Variants in GPSM2 observed in about 807,000 individuals in gnomAD.
GPSM2 encodes the protein G protein signaling modulator 2, also known as G protein-signaling modulator 2.
In GPSM2, 58 loss-of-function variants were observed where a neutral mutation model predicts 78.4. The ratio of observed to expected loss-of-function variants is 0.74; its 90% CI spans 0.60 to 0.92. The LOEUF (loss-of-function observed/expected upper bound fraction) is 0.92, where lower values mean the gene tolerates loss of function less well. GPSM2 is among the 40% of genes least tolerant of loss of function. The pLI is 0.00. For synonymous variants in GPSM2, 224 were observed against 280.2 expected (o/e 0.80, Z 2.00); for missense variants, 700 against 815.5 (o/e 0.86, Z 1.73).
chr1:108,890,045 C>T (rs192391064), intron 2 of GPSM2, among the ~76,000 whole-genome samples: 2 of 152,316 alleles, frequency 1.3e-5, no homozygotes, highest in Non-Finnish European at 2.9e-5. Flanking sequence ...TAAGATACAG[C>T]TCGGAGATTA....
At chr1:108,910,260 C>T (rs1260453434) in intron 10 of GPSM2, among the ~76,000 whole-genome samples, 1 of 152,110 alleles carries the variant, frequency 6.6e-6, no homozygotes, top group Non-Finnish European at 1.5e-5. Context: ...ATGCTAATGG[C>T]TAAAATTATA....
intron 1 of GPSM2, among the ~76,000 whole-genome samples, chr1:108,883,129 A>C (rs1481230385): frequency 6.6e-6 from 1 of 152,232 alleles, no homozygotes; most frequent in Non-Finnish European, 1.5e-5. Flanking sequence ...GGGAAGAGAT[A>C]AGAGGAGTAC....
chr1:108,907,444 G>A (rs1424369450), intron 10 of GPSM2, among the ~76,000 whole-genome samples: 3 of 152,032 alleles, frequency 2.0e-5, no homozygotes, highest in East Asian at 1.9e-4. Context: ...GGTCATAAGC[G>A]TTTCACAACA....
At chr1:108,905,913 G>A (rs75359293) in intron 10 of GPSM2, among the ~76,000 whole-genome samples, 2 of 152,138 alleles carry the variant, frequency 1.3e-5, no homozygotes, top group Non-Finnish European at 2.9e-5. Context: ...GTAGAGAGCC[G>A]CATGTGGCTA....
At chr1:108,920,758 GC>G (rs1285337695) in intron 12 of GPSM2, among the ~76,000 whole-genome samples, 1 of 152,110 alleles carries the variant, frequency 6.6e-6, no homozygotes, top group East Asian at 1.9e-4. Context: ...TAGGTCTAGA[GC>G]AGGACTGGAA....
chr1:108,921,481 T>C (rs1650707881), intron 12 of GPSM2, among the ~76,000 whole-genome samples: 1 of 152,156 alleles, frequency 6.6e-6, no homozygotes, highest in African/African-American at 2.4e-5. Flanking sequence ...TAGGCTTCAA[T>C]AGGTACCTGA....
chr1:108,885,077 T>C (rs1647424331), intron 1 of GPSM2, among the ~76,000 whole-genome samples, 198 bp from the exon 2 acceptor site: 4 of 152,204 alleles, frequency 2.6e-5, no homozygotes, highest in South Asian at 2.1e-4. Context: ...TTTTAAAAAT[T>C]ACAGTTCTCA....
intron 1 of GPSM2, among the ~76,000 whole-genome samples, chr1:108,884,799 C>A (rs929103205): frequency 2.0e-5 from 3 of 152,096 alleles, no homozygotes; most frequent in African/African-American, 7.2e-5. Flanking sequence ...ATTTTAAAGA[C>A]CTTAAAGAGT....
chr1:108,895,418 TGTATTAGAACGG>T (rs1418206272), intron 2 of GPSM2, among the ~76,000 whole-genome samples: 1 of 134,216 alleles, frequency 7.5e-6, no homozygotes, highest in East Asian at 1.9e-4. Context: ...TTGTTTAATG[TGTATTAGAACGG>T]GGTTCCCAAC....
At chr1:108,924,245 A>G (rs1256310443) in intron 14 of GPSM2, 31 bp downstream of exon 14, 1 of 1,319,488 alleles carries the variant, frequency 7.6e-7, no homozygotes, top group East Asian at 2.3e-5. Context: ...CGTTCTGCAT[A>G]CAGCTCAGAT....
intron 14 of GPSM2, chr1:108,926,435 G>C (rs1212792997): frequency 6.6e-6 from 1 of 152,152 alleles, no homozygotes; most frequent in South Asian, 2.1e-4. Context: ...AAGCCAGACA[G>C]ACACTACAAG....
chr1:108,900,342 C>G (rs1044275310), intron 7 of GPSM2, among the ~76,000 whole-genome samples: 1 of 151,302 alleles, frequency 6.6e-6, no homozygotes, highest in Admixed American at 6.6e-5. Flanking sequence ...CCGGTTCAAG[C>G]GATTCTCCTG....
At position 108,897,100 on chromosome 1, in the gene GPSM2, C is replaced by A; in HGVS notation, c.278+15C>A. The A allele has an allele frequency of 6.6e-7, 1 of 1,514,042 alleles. No homozygotes were observed. The allele number at this position is 1,514,042 out of a possible 1,614,324, so 93.8% of individuals were successfully genotyped here. ...ACCCTTGCAAGGTAATTAATTTAAGCTTTTAAATATTCTTCCTTCTGAAAT... is the reference window on the plus strand; with the variant it reads ...ACCCTTGCAAGGTAATTAATTTAAGATTTTAAATATTCTTCCTTCTGAAAT... On this transcript the variant is annotated intron_variant, in intron 3 of 14. Coordinates refer to ENST00000264126, the MANE Select transcript of GPSM2 (RefSeq NM_013296.5).
intron 14 of GPSM2, among the ~76,000 whole-genome samples, chr1:108,924,646 G>C (rs534720025): frequency 1.3e-5 from 2 of 152,292 alleles, no homozygotes; most frequent in South Asian, 4.1e-4. Flanking sequence ...GAAGCAGTCA[G>C]CCATGTGAGT....
chr1:108,892,964 A>G (rs1465091921), intron 2 of GPSM2, among the ~76,000 whole-genome samples: 1 of 152,226 alleles, frequency 6.6e-6, no homozygotes, highest in African/African-American at 2.4e-5. Context: ...TCTCTCCTGT[A>G]GGGCATTCTC....
rs1431478541 is a variant in GPSM2 at position 108,931,120 on chromosome 1, C to T, written c.*1180C>T. On this transcript the variant is annotated 3_prime_UTR_variant, in exon 15 of 15. Transcript: ENST00000264126. ...ATTATTTAAAATGGTCTCTTCTGTTCCATAATACTGCTGTAAAACAAACTT... is the reference window on the plus strand; with the variant it reads ...ATTATTTAAAATGGTCTCTTCTGTTTCATAATACTGCTGTAAAACAAACTT... 1 of 473,172 alleles carries T rather than the reference C, an allele frequency of 2.1e-6. No individual in the cohort carries two copies. The highest frequency in any genetic ancestry group is 3.7e-6 in the Non-Finnish European group (1 of 270,534). 29.3% of individuals were successfully genotyped at this position (473,172 alleles called of 1,614,324 possible). A position where few individuals can be genotyped will look rare whatever the true frequency, so the allele number is the denominator to read the frequency against.
Position 108,885,565 on chromosome 1 carries a change from C to A in GPSM2, c.43C>A (p.His15Asn), listed in dbSNP as rs1228990731. 6.3e-7 allele frequency: 1 copy of A among 1,579,898 alleles called. No homozygotes were observed. The highest frequency in any genetic ancestry group is 8.7e-7 in the Non-Finnish European group (1 of 1,148,996). The change falls in exon 2 of 15, where the codon CAT becomes AAT. Residue 15 changes from histidine to asparagine, a missense_variant. By Grantham distance (68) the His-to-Asn change is moderately conservative. Transcript: ENST00000264126. Reference sequence around the variant, plus strand: ...AAGCATGAGAGAAGACCATTCTTTTCATGTTCGTTACAGGTAAGACTATTG... The same window carrying A: ...AAGCATGAGAGAAGACCATTCTTTTAATGTTCGTTACAGGTAAGACTATTG... ...LISMREDHSF[H>N]VRYRMEASCL...
chr1:108,890,156 A>G (rs889677922), intron 2 of GPSM2, among the ~76,000 whole-genome samples: 3 of 152,166 alleles, frequency 2.0e-5, no homozygotes, highest in Non-Finnish European at 2.9e-5. Context: ...CACCAACTGT[A>G]TTAAAATTAA....
At chr1:108,905,101 T>G (rs2101448246) in intron 10 of GPSM2, among the ~76,000 whole-genome samples, 1 of 152,354 alleles carries the variant, frequency 6.6e-6, no homozygotes, top group East Asian at 1.9e-4. Flanking sequence ...TGATTTAGAT[T>G]TTCAAAGAAC....
Sources: allele counts gnomAD v4.1 joint callset (sites outside exome capture counted in the v4.1 genomes callset), GRCh38; gene constraint gnomAD v4.1.1; transcripts MANE v1.5; gene names NCBI Gene and HGNC (gene_info 2026-07-23, HGNC 2026-07-21).